RARB: variants seen among roughly 807,000 people sequenced by gnomAD.
RARB encodes HBV-activated protein.
Under a neutral mutation model 51.9 loss-of-function variants are expected in RARB, and 17 were observed. The ratio of observed to expected loss-of-function variants is 0.33; its 90% CI spans 0.22 to 0.49. The LOEUF (loss-of-function observed/expected upper bound fraction) is 0.49, where lower values mean the gene tolerates loss of function less well. Among genes scored for constraint, RARB ranks in the 20% least tolerant of loss-of-function variants. The probability of loss-of-function intolerance (pLI) is 0.99; values close to 1 mark genes in which losing one functional copy is unlikely to be tolerated. For synonymous variants in RARB, 215 were observed against 195.4 expected (o/e 1.10, Z -0.84); for missense variants, 369 against 550.8 (o/e 0.67, Z 3.30).
intron 1 of RARB, among the ~76,000 whole-genome samples, chr3:25,457,909 C>T (rs754229213): frequency 1.2e-4 from 19 of 152,190 alleles, no homozygotes; most frequent in African/African-American, 4.1e-4. Flanking sequence ...GAACTCAATG[C>T]GAGATTGATC....
intron 5 of RARB, among the ~76,000 whole-genome samples, chr3:25,420,008 G>A (rs544893094): frequency 1.3e-4 from 20 of 152,232 alleles, no homozygotes; most frequent in South Asian, 2.1e-4. Context: ...TTGAGAAGGT[G>A]GGTTTATACC....
At chr3:24,917,576 A>G (rs910339562) in intron 2 of RARB, among the ~76,000 whole-genome samples, 1 of 152,176 alleles carries the variant, frequency 6.6e-6, no homozygotes, top group Admixed American at 6.5e-5. Flanking sequence ...TGTCACCCAG[A>G]CTAGAGTACA....
At chr3:25,114,969 A>G (rs909355436) in intron 3 of RARB, among the ~76,000 whole-genome samples, 3 of 152,222 alleles carry the variant, frequency 2.0e-5, no homozygotes, top group Admixed American at 6.5e-5. Context: ...ACATTAACCA[A>G]TGTATTTAGC....
At chr3:25,131,153 C>G (rs775138180) in intron 3 of RARB, among the ~76,000 whole-genome samples, 114 of 151,992 alleles carry the variant, frequency 7.5e-4, no homozygotes, top group Middle Eastern at 3.4e-3. Flanking sequence ...TTAGGACATG[C>G]CCAGAAATCA....
chr3:25,002,722 TCA>T (rs1697188507), intron 2 of RARB, among the ~76,000 whole-genome samples: 1 of 145,800 alleles, frequency 6.9e-6, no homozygotes, highest in African/African-American at 2.6e-5. Context: ...TATATATGTG[TCA>T]CATATGTATA....
intron 3 of RARB, among the ~76,000 whole-genome samples, chr3:25,550,779 C>G (rs1330870771): frequency 6.6e-6 from 1 of 152,090 alleles, no homozygotes; most frequent in African/African-American, 2.4e-5. Flanking sequence ...GTGATGTTCC[C>G]CCTTCTGTGT....
chr3:25,235,140 A>T (rs926709119), intron 5 of RARB, among the ~76,000 whole-genome samples: 2 of 152,074 alleles, frequency 1.3e-5, no homozygotes, highest in Non-Finnish European at 2.9e-5. Flanking sequence ...TAAACCAGAA[A>T]ACTTAGTGGT....
rs536220689 is a variant in RARB, at chr3:25,293,288, C to A, written c.178+118713C>A. The stretch of plus-strand genomic sequence containing the variant: ...TGGCCGTGTCAGTCTGGGCAGTGAG[C>A]ACCTATCTGTACTCAGTTTTGTCAT... On this transcript the variant is annotated intron_variant, in intron 5 of 11. Coordinates refer to the RARB transcript ENST00000383772. Among the ~76,000 whole-genome samples the A allele has an allele frequency of 1.2e-4, 18 of 152,166 alleles. 1 individual carries two copies. Among genetic ancestry groups the A allele is most frequent in the African/African-American group, 4.3e-4 (18 of 41,520 alleles).
intron 5 of RARB, among the ~76,000 whole-genome samples, chr3:25,358,463 AC>A (rs1705821084): frequency 6.6e-6 from 1 of 151,944 alleles, no homozygotes; most frequent in Non-Finnish European, 1.5e-5. Flanking sequence ...CTATTTCAAA[AC>A]CCTTTATTTC....
At chr3:25,334,045 T>G (rs1704985608) in intron 5 of RARB, among the ~76,000 whole-genome samples, 1 of 152,170 alleles carries the variant, frequency 6.6e-6, no homozygotes, top group Admixed American at 6.5e-5. Context: ...CTGGAGAGGA[T>G]GTGGAGAAAC....
chr3:25,529,071 T>A (rs2125641200), intron 3 of RARB, among the ~76,000 whole-genome samples: 1 of 151,794 alleles, frequency 6.6e-6, no homozygotes, highest in African/African-American at 2.4e-5. Flanking sequence ...AACGTGACAA[T>A]GAGATGAGGA....
At chr3:25,017,013 A>G (rs184301377) in intron 2 of RARB, among the ~76,000 whole-genome samples, 1 of 152,134 alleles carries the variant, frequency 6.6e-6, no homozygotes, top group Non-Finnish European at 1.5e-5. Flanking sequence ...TCCACTGTGT[A>G]TTGTTACAAA....
At chr3:25,202,457 T>TTC (rs1701419012) in intron 5 of RARB, among the ~76,000 whole-genome samples, 1 of 152,194 alleles carries the variant, frequency 6.6e-6, no homozygotes, top group Non-Finnish European at 1.5e-5. Flanking sequence ...CTGATCTTAG[T>TTC]TATTTCTTGC....
chr3:25,382,741 C>G (rs956676474), intron 5 of RARB, among the ~76,000 whole-genome samples: 2 of 152,056 alleles, frequency 1.3e-5, no homozygotes, highest in Non-Finnish European at 2.9e-5. Context: ...ACCTGTAATC[C>G]CAGCTACTCG....
At chr3:24,871,754 C>T (rs891583826) in intron 2 of RARB, among the ~76,000 whole-genome samples, 1 of 152,182 alleles carries the variant, frequency 6.6e-6, no homozygotes, top group South Asian at 2.1e-4. Flanking sequence ...CACCCCAGAC[C>T]TGCACCATGT....
chr3:25,112,678 T>C (rs1194649034), intron 3 of RARB, among the ~76,000 whole-genome samples: 1 of 152,068 alleles, frequency 6.6e-6, no homozygotes, highest in Non-Finnish European at 1.5e-5. Context: ...CTCAGGAGGC[T>C]GAGGTAGGAG....
chr3:24,980,661 C>T (rs766067825), intron 2 of RARB, among the ~76,000 whole-genome samples: 70 of 152,066 alleles, frequency 4.6e-4, no homozygotes, highest in Non-Finnish European at 7.2e-4. Flanking sequence ...GTTAGCCATT[C>T]GTCTAACCTT....
chr3:25,183,246 G>A (rs1424989055), intron 5 of RARB, among the ~76,000 whole-genome samples: 1 of 151,952 alleles, frequency 6.6e-6, no homozygotes, highest in Non-Finnish European at 1.5e-5. Context: ...TCTTTGGCTT[G>A]GACTAATGAA....
At chr3:25,038,286 A>G (rs1006341848) in intron 2 of RARB, among the ~76,000 whole-genome samples, 1 of 152,220 alleles carries the variant, frequency 6.6e-6, no homozygotes, top group African/African-American at 2.4e-5. Flanking sequence ...TATAACATAT[A>G]AATCATAATA....
Sources: gnomAD v4.1 joint callset for allele counts (sites outside exome capture counted in the v4.1 genomes callset) on GRCh38, gnomAD v4.1.1 for gene constraint, MANE v1.5 for transcripts, NCBI Gene and HGNC (gene_info 2026-07-23, HGNC 2026-07-21) for gene names.